The following DLGAP2 variants were observed in gnomAD, a reference collection of about 807,000 sequenced individuals.
DLGAP2 encodes the protein disks large-associated protein 2.
In DLGAP2, 26 loss-of-function variants were observed where a neutral mutation model predicts 100.3. That is an observed-to-expected ratio of 0.26 (90% CI 0.19 to 0.36). The LOEUF is 0.36. DLGAP2 is among the 10% of genes least tolerant of loss of function. The pLI is 1.00. For missense variants in DLGAP2, 1,858 were observed against 1,453.2 expected, an observed-to-expected ratio of 1.28 and a Z score of -4.53; for synonymous variants, 886 against 630.1, an observed-to-expected ratio of 1.41 and a Z score of -6.08.
chr8:1,494,138 A>C (rs1489311026), intron 3 of DLGAP2, among the ~76,000 whole-genome samples: 2 of 152,202 alleles, frequency 1.3e-5, no homozygotes, highest in African/African-American at 2.4e-5. Flanking sequence ...AAAGTGGGTC[A>C]TGTCCTTCTC....
At position 1,184,754 on chromosome 8, in the gene DLGAP2, C is replaced by T. The variant is rs537337831; in HGVS notation, c.74-74097C>T. Reference sequence around the variant, plus strand: ...GGAGGAGGGTGAGGCCACCGGGAGGCAAGCATGCTGGTGACGATGACTGGT... The same window carrying T: ...GGAGGAGGGTGAGGCCACCGGGAGGTAAGCATGCTGGTGACGATGACTGGT... On this transcript the variant is annotated intron_variant, in intron 2 of 14. Coordinates refer to ENST00000637795, the MANE Select transcript of DLGAP2 (RefSeq NM_001346810.2). 2.0e-5 allele frequency among the ~76,000 whole-genome samples: 3 copies of T among 152,288 alleles called. No homozygotes were observed. In the East Asian group the frequency reaches 5.8e-4, roughly 29 times the overall value.
intron 2 of DLGAP2, among the ~76,000 whole-genome samples, chr8:1,256,404 G>GC (rs1799218163): frequency 1.5e-5 from 2 of 132,692 alleles, no homozygotes; most frequent in Admixed American, 7.9e-5. Context: ...CTGTGTGTGT[G>GC]CCGTCTTATC....
intron 2 of DLGAP2, among the ~76,000 whole-genome samples, chr8:1,021,738 A>G (rs888304631): frequency 2.6e-5 from 4 of 152,134 alleles, no homozygotes; most frequent in African/African-American, 9.7e-5. Context: ...GTCTCCTCCC[A>G]CCACATCTTC....
At chr8:1,271,262 A>G (rs1232990997) in intron 3 of DLGAP2, among the ~76,000 whole-genome samples, 1 of 152,046 alleles carries the variant, frequency 6.6e-6, no homozygotes, top group Non-Finnish European at 1.5e-5. Flanking sequence ...GCACTGAGAG[A>G]CCTCCAGCCA....
At chr8:1,117,256 C>G (rs1805146696) in intron 2 of DLGAP2, among the ~76,000 whole-genome samples, 1 of 152,250 alleles carries the variant, frequency 6.6e-6, no homozygotes, top group South Asian at 2.1e-4. Context: ...TGTGCCCTCT[C>G]TGAGGCTGAT....
intron 2 of DLGAP2, among the ~76,000 whole-genome samples, chr8:1,167,129 C>T (rs758112705): frequency 6.6e-6 from 1 of 152,080 alleles, no homozygotes; most frequent in South Asian, 2.1e-4. Flanking sequence ...GATCAAGGCA[C>T]TGTCTCTAAA....
At chr8:1,533,086 G>A (rs1362155488) in intron 4 of DLGAP2, among the ~76,000 whole-genome samples, 2 of 137,032 alleles carry the variant, frequency 1.5e-5, no homozygotes, top group African/African-American at 5.5e-5. Flanking sequence ...CTCCCCCGAA[G>A]AAATTTGTCA....
intron 1 of DLGAP2, chr8:891,210 C>A (rs375878849): frequency 6.6e-6 from 1 of 152,256 alleles, no homozygotes; most frequent in African/African-American, 2.4e-5. Context: ...AGGTGAAAGG[C>A]GACAAGGACC....
At chr8:1,195,890 T>C (rs114732990) in intron 2 of DLGAP2, among the ~76,000 whole-genome samples, 3,300 of 152,278 alleles carry the variant, frequency 0.022, 147 homozygotes, top group African/African-American at 0.075. Context: ...AACCGAAGTT[T>C]TTAGCATTTC....
At chr8:828,309 G>C (rs1289271937) in intron 1 of DLGAP2, among the ~76,000 whole-genome samples, 2 of 152,176 alleles carry the variant, frequency 1.3e-5, no homozygotes, top group African/African-American at 4.8e-5. Context: ...TCGACCATAA[G>C]AGACAGGTAC....
At chr8:907,643 G>C (rs558867693) in intron 1 of DLGAP2, among the ~76,000 whole-genome samples, 3 of 152,230 alleles carry the variant, frequency 2.0e-5, no homozygotes, top group East Asian at 3.9e-4. Context: ...GACCCTGATG[G>C]CCCATTAGGG....
chr8:886,860 G>T (rs1301327432), intron 1 of DLGAP2, among the ~76,000 whole-genome samples: 2 of 152,228 alleles, frequency 1.3e-5, no homozygotes, highest in African/African-American at 4.8e-5. Flanking sequence ...TGGGGGTAGA[G>T]AGTTCTGTAG....
At chr8:1,317,104 G>A (rs1800773069) in intron 3 of DLGAP2, among the ~76,000 whole-genome samples, 1 of 137,690 alleles carries the variant, frequency 7.3e-6, no homozygotes, top group African/African-American at 2.9e-5. Context: ...TTTAAAAATA[G>A]AGCCTGTGCG....
At chr8:1,341,021 G>A (rs1404829716) in intron 3 of DLGAP2, among the ~76,000 whole-genome samples, 2 of 152,154 alleles carry the variant, frequency 1.3e-5, no homozygotes, top group African/African-American at 4.8e-5. Context: ...CTGTAAGTAG[G>A]AGCTAAATGA....
chr8:779,221 C>T (rs1243513320), intron 1 of DLGAP2, among the ~76,000 whole-genome samples: 1 of 152,244 alleles, frequency 6.6e-6, no homozygotes, highest in Non-Finnish European at 1.5e-5. Context: ...CGCGCACCCA[C>T]TGACCTGTGC....
chr8:954,725 A>C (rs1162588674), intron 2 of DLGAP2, among the ~76,000 whole-genome samples: 1 of 152,178 alleles, frequency 6.6e-6, no homozygotes, highest in Non-Finnish European at 1.5e-5. Flanking sequence ...TCAAGGGACT[A>C]ATTAGTTGAA....
intron 6 of DLGAP2, among the ~76,000 whole-genome samples, chr8:1,624,157 A>G (rs974912504): frequency 7.2e-5 from 11 of 152,200 alleles, no homozygotes; most frequent in African/African-American, 2.4e-4. Context: ...TCAATTTGAG[A>G]ATGTTAAAAT....
Position 1,698,086 on chromosome 8 carries a change from G to A in DLGAP2, c.2949+787G>A, listed in dbSNP as rs1312333566. Among the ~76,000 whole-genome samples the A allele has an allele frequency of 2.0e-5, 3 of 152,212 alleles. No individual in the cohort carries two copies. In the East Asian group the frequency reaches 5.8e-4, roughly 29 times the overall value. ...GTATCCAGCAAGGATGCACACCTGG[G>A]TCATGAGAACGAGAGCCAGATCTAG... On this transcript the variant is annotated intron_variant, in intron 14 of 14. Coordinates refer to ENST00000637795, the MANE Select transcript of DLGAP2 (RefSeq NM_001346810.2).
intron 3 of DLGAP2, among the ~76,000 whole-genome samples, chr8:1,488,898 G>A (rs778815579): frequency 6.6e-5 from 10 of 152,154 alleles, no homozygotes; most frequent in South Asian, 2.1e-4. Flanking sequence ...GATTCAGGGT[G>A]GGTAAGCAAA....
Sources: allele counts gnomAD v4.1 joint callset (sites outside exome capture counted in the v4.1 genomes callset), GRCh38; gene constraint gnomAD v4.1.1; transcripts MANE v1.5; gene names NCBI Gene and HGNC (gene_info 2026-07-23, HGNC 2026-07-21).